VAC14: variants seen among roughly 807,000 people sequenced by gnomAD.
The protein encoded by VAC14 is VAC14 component of PIKFYVE complex.
VAC14 carries 47 observed loss-of-function variants against 85.3 expected under a neutral mutation model. That is an observed-to-expected ratio of 0.55 (90% CI 0.44 to 0.70). VAC14 has a LOEUF of 0.70. Among genes scored for constraint, VAC14 ranks in the 30% least tolerant of loss-of-function variants. The pLI, the probability that VAC14 is intolerant of heterozygous loss-of-function variation, is 0.00. For missense variants in VAC14, 861 were observed against 1,004.3 expected, an observed-to-expected ratio of 0.86 and a Z score of 1.93; for synonymous variants, 447 against 430.5, an observed-to-expected ratio of 1.04 and a Z score of -0.47.
At chr16:70,736,405 G>A (rs937864148) in intron 13 of VAC14, among the ~76,000 whole-genome samples, 1 of 152,162 alleles carries the variant, frequency 6.6e-6, no homozygotes, top group Admixed American at 6.5e-5. Flanking sequence ...ATGTCTGAGT[G>A]GGGAGATTTC....
At chr16:70,700,405 G>A (rs939537327) in intron 14 of VAC14, among the ~76,000 whole-genome samples, 1 of 152,260 alleles carries the variant, frequency 6.6e-6, no homozygotes, top group Non-Finnish European at 1.5e-5. Context: ...CCTGGGGTTA[G>A]GTGGGAGGTG....
chr16:70,738,206 G>C (rs890408584), intron 13 of VAC14, among the ~76,000 whole-genome samples: 2 of 152,238 alleles, frequency 1.3e-5, no homozygotes, highest in Non-Finnish European at 2.9e-5. Context: ...CTGGGAGAAA[G>C]GGAGGCTGAG....
rs777060114 is a variant in VAC14, at chr16:70,772,139, C to T, written c.1130G>A (p.Ser377Asn). ...GPDGSCDSSFSSGISVFTAAS... is the reference protein window; with the variant it reads ...GPDGSCDSSFNSGISVFTAAS... The stretch of plus-strand genomic sequence containing the variant: ...TGCAGTGAAGACACTGATGCCGCTA[C>T]TGAAGCTGGAGTCACAGGAACCATC... The change falls in exon 10 of 19, where the codon AGT becomes AAT. Residue 377 changes from serine to asparagine, a missense_variant. Coordinates refer to ENST00000261776, the MANE Select transcript of VAC14 (RefSeq NM_018052.5). 1.8e-5 allele frequency: 29 copies of T among 1,614,148 alleles called. No homozygotes were observed. The highest frequency in any genetic ancestry group is 2.2e-5 in the Non-Finnish European group (26 of 1,180,036).
At chr16:70,767,160 C>T (rs2032877616) in intron 10 of VAC14, among the ~76,000 whole-genome samples, 1 of 152,184 alleles carries the variant, frequency 6.6e-6, no homozygotes, top group African/African-American at 2.4e-5. Flanking sequence ...CATACGCGTA[C>T]TACAGTTTCC....
chr16:70,750,967 G>A (rs1228836275), intron 12 of VAC14, among the ~76,000 whole-genome samples: 1 of 152,226 alleles, frequency 6.6e-6, no homozygotes, highest in African/African-American at 2.4e-5. Context: ...CTCCCACCAA[G>A]ATTCCCGAAC....
rs1202864709 is a variant in VAC14 at position 70,762,619 on chromosome 16, A to C, written c.1306-14T>G. On this transcript the variant is annotated splice_polypyrimidine_tract_variant and intron_variant, in intron 11 of 18. Transcript: ENST00000261776. This position sits in a 1 kb window ranked among gnomAD's most constrained non-coding sequence, Gnocchi z 4.1. The stretch of plus-strand genomic sequence containing the variant: ...GTGCCGGAACATCTGGAGGGCAGAG[A>C]AGCAGGGGTGCCCGTGAGTGCTCCC... 1 of 1,613,744 alleles carries C rather than the reference A, an allele frequency of 6.2e-7. No individual in the cohort carries two copies. Among genetic ancestry groups the C allele is most frequent in the African/African-American group, 1.3e-5 (1 of 74,936 alleles).
At chr16:70,728,998 TGGAAATC>T (rs1218873396) in intron 14 of VAC14, among the ~76,000 whole-genome samples, 1 of 152,194 alleles carries the variant, frequency 6.6e-6, no homozygotes, top group Non-Finnish European at 1.5e-5. Flanking sequence ...AGAAACACCA[TGGAAATC>T]TTCCTCTTTT....
At chr16:70,696,669 C>T (rs2053717699) in intron 16 of VAC14, among the ~76,000 whole-genome samples, 1 of 152,234 alleles carries the variant, frequency 6.6e-6, no homozygotes, top group Admixed American at 6.5e-5. Flanking sequence ...CCCGAAGGCC[C>T]ACGCCTGGGC....
intron 17 of VAC14, among the ~76,000 whole-genome samples, chr16:70,693,664 C>G (rs1247659201): frequency 6.6e-6 from 1 of 152,212 alleles, no homozygotes. Flanking sequence ...CTGGCTGTAC[C>G]ACAAGGCAGT....
At chr16:70,783,377 G>A in intron 6 of VAC14, 68 bp downstream of exon 6, 2 of 1,508,502 alleles carry the variant, frequency 1.3e-6, no homozygotes, top group Non-Finnish European at 1.8e-6. Context: ...CTCTCTGTGG[G>A]CATGAAGCAC....
chr16:70,783,695 A>C (rs1289934427), intron 5 of VAC14, 141 bp from the exon 6 acceptor site: 29 of 797,930 alleles, frequency 3.6e-5, no homozygotes, highest in Non-Finnish European at 5.9e-5. Context: ...ATGTGGGAGG[A>C]GGGTGCTGGC....
Position 70,786,329 on chromosome 16 carries a change from C to G in VAC14, c.141G>C (p.Val47=). The G allele has an allele frequency of 6.2e-7, 1 of 1,614,200 alleles. No homozygotes were observed. ...VREFVAQNNT[V]QIKHVIQTLS... ...GGGTCTGGATCACATGCTTGATTTG[C>G]ACGGTATTGTTCTGGGCCACGAACT... Residue 47 remains valine (V), a synonymous_variant, in exon 2 of 19, where the codon GTG becomes GTC. Coordinates refer to ENST00000261776, the MANE Select transcript of VAC14 (RefSeq NM_018052.5).
At position 70,800,381 on chromosome 16, in the gene VAC14, C is replaced by T. The variant is rs932873527; in HGVS notation, c.104+416G>A. Among the ~76,000 whole-genome samples the T allele has an allele frequency of 7.9e-5, 12 of 152,328 alleles. No individual in the cohort carries two copies. The South Asian group carries it at 1.5e-3, about 18-fold the overall frequency. ...TGGTCACTAACAATCTCCTTCACTTCTCAGAAGCTGGGTAAGAAACCAGGC... is the reference window on the plus strand; with the variant it reads ...TGGTCACTAACAATCTCCTTCACTTTTCAGAAGCTGGGTAAGAAACCAGGC... On this transcript the variant is annotated intron_variant, in intron 1 of 18. Coordinates refer to ENST00000261776, the MANE Select transcript of VAC14 (RefSeq NM_018052.5).
chr16:70,775,306 A>T (rs1447941107), intron 9 of VAC14, among the ~76,000 whole-genome samples: 2 of 152,156 alleles, frequency 1.3e-5, no homozygotes, highest in Non-Finnish European at 2.9e-5. Flanking sequence ...CTTCAATCTT[A>T]CTTTTCTCTA....
Position 70,705,836 on chromosome 16 carries a change from G to A in VAC14, c.1662-7025C>T, listed in dbSNP as rs75947464. The stretch of plus-strand genomic sequence containing the variant: ...CCTATGCTCCACCTTGTCCACTCTC[G>A]CGTGCCATCGATGGGACATCCTTCC... On this transcript the variant is annotated intron_variant, in intron 14 of 18. Coordinates refer to ENST00000261776, the MANE Select transcript of VAC14 (RefSeq NM_018052.5). 7.7e-3 allele frequency among the ~76,000 whole-genome samples: 1,169 copies of A among 152,294 alleles called. 16 individuals are homozygous for A. The highest frequency in any genetic ancestry group is 0.026 in the African/African-American group (1,083 of 41,560).
At chr16:70,691,318 C>G in intron 18 of VAC14, 2 of 985,446 alleles carry the variant, frequency 2.0e-6, no homozygotes. Context: ...GACTGGAGGT[C>G]ACAGGGAAGC....
intron 10 of VAC14, chr16:70,766,513 A>G (rs879400063): frequency 6.6e-5 from 30 of 456,662 alleles, no homozygotes; most frequent in Admixed American, 4.9e-4. Flanking sequence ...GTCCTGCCGC[A>G]CTCAACCCAG....
chr16:70,800,711 C>T, intron 1 of VAC14, 86 bp downstream of exon 1: 3 of 1,228,388 alleles, frequency 2.4e-6, no homozygotes, highest in Non-Finnish European at 3.5e-6. Flanking sequence ...GGAAAGTAAC[C>T]CTGGCTGGGA....
At chr16:70,689,173 T>C in intron 18 of VAC14, 1 of 976,350 alleles carries the variant, frequency 1.0e-6, no homozygotes, top group South Asian at 4.7e-5. Flanking sequence ...TGTGACTGTT[T>C]CCTCATCTGC....
Sources: gnomAD v4.1 joint callset for allele counts (sites outside exome capture counted in the v4.1 genomes callset) on GRCh38, gnomAD v4.1.1 for gene constraint, Gnocchi (gnomAD v3.1) non-coding constraint, MANE v1.5 for transcripts, NCBI Gene and HGNC (gene_info 2026-07-23, HGNC 2026-07-21) for gene names.